The following MFSD11 variants were observed in gnomAD, a reference collection of about 807,000 sequenced individuals.
The protein encoded by MFSD11 is major facilitator superfamily domain containing 11.
MFSD11 carries 36 observed loss-of-function variants against 53.5 expected under a neutral mutation model. The observed-to-expected ratio is 0.67, with a 90% confidence interval of 0.52 to 0.89. MFSD11 has a LOEUF of 0.89. Among genes scored for constraint, MFSD11 ranks in the 40% least tolerant of loss-of-function variants. The pLI is 0.00. For synonymous variants in MFSD11, 186 were observed against 184.9 expected (o/e 1.01, Z -0.05); for missense variants, 530 against 543.9 (o/e 0.97, Z 0.25).
At chr17:76,739,097 G>T in intron 2 of MFSD11, 104 bp downstream of exon 2, 1 of 879,698 alleles carries the variant, frequency 1.1e-6, no homozygotes, top group Non-Finnish European at 1.9e-6. Flanking sequence ...AGTGGTGATG[G>T]CATTTTCTCT....
chr17:76,766,208 G>A, intron 8 of MFSD11, among the ~76,000 whole-genome samples: 1 of 151,660 alleles, frequency 6.6e-6, no homozygotes, highest in East Asian at 1.9e-4. Flanking sequence ...CCTGAGGTCA[G>A]GAGTTCGAGA....
At chr17:76,772,971 C>G (rs1455055624) in intron 10 of MFSD11, 1 of 152,290 alleles carries the variant, frequency 6.6e-6, no homozygotes, top group Non-Finnish European at 1.5e-5. Context: ...GTGCTCCACC[C>G]AGTTCCTGTG....
chr17:76,771,598 G>GGTTT (rs1279184720), intron 10 of MFSD11, among the ~76,000 whole-genome samples: 1 of 152,194 alleles, frequency 6.6e-6, no homozygotes, highest in African/African-American at 2.4e-5. Flanking sequence ...GACTTTGGAG[G>GGTTT]GTTTGTTTGT....
chr17:76,736,966 C>T (rs1281978746), upstream of MFSD11: 2 of 1,613,446 alleles, frequency 1.2e-6, no homozygotes, highest in African/African-American at 1.3e-5. Flanking sequence ...CAGCGTCGCG[C>T]TTGTCGTGAA....
chr17:76,778,580 A>G lies in MFSD11; in HGVS notation c.*228A>G, dbSNP rs1224394256. ...CTGTTCTGTCAACTGTAATTGTTCA[A>G]AGATGTTGTTTTTCATTTCATCTAT... is the stretch of plus-strand genomic sequence containing the variant. On this transcript the variant is annotated 3_prime_UTR_variant, in exon 13 of 13. Transcript: ENST00000685175. 2.2e-6 allele frequency: 1 copy of G among 460,694 alleles called. No individual in the cohort carries two copies. Among genetic ancestry groups the G allele is most frequent in the Non-Finnish European group, 3.8e-6 (1 of 260,716 alleles). The allele number at this position is 460,694 out of a possible 1,614,324, so 28.5% of individuals were successfully genotyped here.
chr17:76,793,319 C>A, the MFSD11 span, among the ~76,000 whole-genome samples: 27 of 151,504 alleles, frequency 1.8e-4, 1 homozygote, highest in African/African-American at 5.9e-4. Context: ...ACCCTCAGGG[C>A]CGCATTCTCT....
chr17:76,742,015 A>C lies in MFSD11; in HGVS notation c.307A>C (p.Thr103Pro). 6.2e-7 allele frequency: 1 copy of C among 1,614,158 alleles called. No individual in the cohort carries two copies. Among genetic ancestry groups the C allele is most frequent in the East Asian group, 2.2e-5 (1 of 44,872 alleles). The change falls in exon 4 of 13, where the codon ACA (threonine) becomes CCA (proline). Residue 103 changes from threonine to proline, a missense_variant. Coordinates refer to ENST00000685175, the MANE Select transcript of MFSD11 (RefSeq NM_001242532.5). ...CCAGCCTTTCCCGTGGTCCTTCTAC[A>C]CAGCCTCTGTTTTCATTGGAATTGC... ...FIQPFPWSFYTASVFIGIAAA... is the reference protein window; with the variant it reads ...FIQPFPWSFYPASVFIGIAAA...
intron 7 of MFSD11, chr17:76,752,917 C>T (rs902077900): frequency 6.6e-6 from 1 of 152,092 alleles, no homozygotes. Context: ...ATCTTGTGCT[C>T]ACTTCGGCAG....
chr17:76,737,943 C>G (rs533494382), upstream of MFSD11: 19 of 217,464 alleles, frequency 8.7e-5, no homozygotes, highest in South Asian at 1.7e-4. Flanking sequence ...CGTTTCCCAG[C>G]GGGCCGAGCG....
At chr17:76,797,268 G>A in the MFSD11 span, among the ~76,000 whole-genome samples, 3 of 152,124 alleles carry the variant, frequency 2.0e-5, no homozygotes, top group African/African-American at 7.2e-5. Flanking sequence ...TTTATTTTAA[G>A]GTTGTTTTTT....
upstream of MFSD11, chr17:76,736,843 T>G (rs769026966): frequency 1.1e-5 from 18 of 1,604,316 alleles, no homozygotes; most frequent in Middle Eastern, 1.7e-4. Context: ...ACCTGCGGGG[T>G]GGCGGTCCCC....
intron 8 of MFSD11, among the ~76,000 whole-genome samples, chr17:76,764,139 G>A (rs1347046771): frequency 2.0e-5 from 3 of 152,168 alleles, no homozygotes; most frequent in Admixed American, 1.3e-4. Flanking sequence ...GATTACAGGC[G>A]TGGGCCCTAG....
chr17:76,766,435 A>G (rs2080863721), intron 8 of MFSD11, among the ~76,000 whole-genome samples: 2 of 151,632 alleles, frequency 1.3e-5, no homozygotes, highest in South Asian at 2.1e-4. Context: ...AAAAAAAAAA[A>G]AGAAAGAAAC....
chr17:76,758,718 A>G lies in MFSD11; in HGVS notation c.682+4631A>G, dbSNP rs1438522122. Among the ~76,000 whole-genome samples, 4 of 152,136 alleles carry G rather than the reference A, an allele frequency of 2.6e-5. 1 individual carries two copies. Among genetic ancestry groups the G allele is most frequent in the Non-Finnish European group, 5.9e-5 (4 of 68,042 alleles). ...TGTGATAAAGAGCTGTTATGAACCA[A>G]TAAGAAAAGTATAAACACTCCAGTA... On this transcript the variant is annotated intron_variant, in intron 8 of 12. Coordinates refer to ENST00000685175, the MANE Select transcript of MFSD11 (RefSeq NM_001242532.5).
At chr17:76,743,774 G>A (rs2078305416) in intron 6 of MFSD11, among the ~76,000 whole-genome samples, 2 of 151,912 alleles carry the variant, frequency 1.3e-5, no homozygotes, top group African/African-American at 4.8e-5. Context: ...GCACCACCAC[G>A]CCCAGCTAAT....
chr17:76,753,985 C>A, intron 7 of MFSD11, 62 bp from the exon 8 acceptor site: 2 of 1,357,590 alleles, frequency 1.5e-6, no homozygotes, highest in South Asian at 2.5e-5. Context: ...AAAATGTGAT[C>A]GTATGTTTGT....
At chr17:76,764,501 G>A (rs533825489) in intron 8 of MFSD11, among the ~76,000 whole-genome samples, 1 of 152,314 alleles carries the variant, frequency 6.6e-6, no homozygotes, top group African/African-American at 2.4e-5. Flanking sequence ...AGATCATGCA[G>A]TATTTGTCTT....
At chr17:76,780,918 C>A (rs2082150116), downstream of MFSD11, 1 of 152,216 alleles carries the variant, frequency 6.6e-6, no homozygotes, top group African/African-American at 2.4e-5. Flanking sequence ...TTAGACTTAA[C>A]AGTAGTGATT....
chr17:76,801,114 G>A, the MFSD11 span, among the ~76,000 whole-genome samples: 7 of 151,568 alleles, frequency 4.6e-5, no homozygotes, highest in East Asian at 3.9e-4. Flanking sequence ...TACTCCAGCC[G>A]GGTGTGGTGC....
Sources: allele counts gnomAD v4.1 joint callset (sites outside exome capture counted in the v4.1 genomes callset), GRCh38; gene constraint gnomAD v4.1.1; transcripts MANE v1.5; gene names NCBI Gene and HGNC (gene_info 2026-07-23, HGNC 2026-07-21).